Variants in CACNA2D3 observed in about 807,000 individuals in gnomAD.
The protein encoded by CACNA2D3 is calcium voltage-gated channel auxiliary subunit alpha2delta 3.
CACNA2D3 carries 60 observed loss-of-function variants against 160.6 expected under a neutral mutation model. That is an observed-to-expected ratio of 0.37 (90% CI 0.30 to 0.46). The LOEUF (loss-of-function observed/expected upper bound fraction) is 0.46, where lower values mean the gene tolerates loss of function less well. CACNA2D3 is among the 20% of genes least tolerant of loss of function. The probability of loss-of-function intolerance (pLI) is 1.00; values close to 1 mark genes in which losing one functional copy is unlikely to be tolerated. For missense variants in CACNA2D3, 1,205 were observed against 1,365.0 expected (o/e 0.88, Z 1.85); for synonymous variants, 558 against 492.9 (o/e 1.13, Z -1.75).
At chr3:54,503,102 T>A (rs1701318679) in intron 4 of CACNA2D3, among the ~76,000 whole-genome samples, 1 of 152,246 alleles carries the variant, frequency 6.6e-6, no homozygotes, top group African/African-American at 2.4e-5. Flanking sequence ...GCAAGCATGA[T>A]GATCTGACGT....
chr3:54,749,342 ATTT>A (rs1701815059), intron 11 of CACNA2D3, among the ~76,000 whole-genome samples: 1 of 152,226 alleles, frequency 6.6e-6, no homozygotes, highest in African/African-American at 2.4e-5. Context: ...AAGACTTAGA[ATTT>A]AACAGTTTTT....
At chr3:54,299,836 T>A (rs1307776237) in intron 2 of CACNA2D3, among the ~76,000 whole-genome samples, 1 of 152,218 alleles carries the variant, frequency 6.6e-6, no homozygotes, top group African/African-American at 2.4e-5. Flanking sequence ...AAGATTTATT[T>A]GGAAGATAAA....
chr3:54,124,692 G>C (rs1699552145), intron 2 of CACNA2D3, among the ~76,000 whole-genome samples: 1 of 152,134 alleles, frequency 6.6e-6, no homozygotes, highest in East Asian at 1.9e-4. Context: ...TCCAAATATC[G>C]TAATAAAGCG....
intron 9 of CACNA2D3, among the ~76,000 whole-genome samples, chr3:54,596,463 C>G (rs1214101787): frequency 6.6e-6 from 1 of 152,174 alleles, no homozygotes; most frequent in Non-Finnish European, 1.5e-5. Flanking sequence ...GGGGATACAT[C>G]CCTGTTTGCC....
intron 4 of CACNA2D3, among the ~76,000 whole-genome samples, chr3:54,391,025 CA>C (rs1699270739): frequency 6.6e-6 from 1 of 151,218 alleles, no homozygotes; most frequent in Non-Finnish European, 1.5e-5. Flanking sequence ...AGTGATTTTG[CA>C]AAATTTCCTA....
chr3:54,783,775 G>C (rs1702578317), intron 13 of CACNA2D3, among the ~76,000 whole-genome samples: 1 of 151,998 alleles, frequency 6.6e-6, no homozygotes, highest in Non-Finnish European at 1.5e-5. Context: ...TATATTAAAT[G>C]ACAGAAGGAA....
At chr3:54,771,720 T>C (rs1456778517) in intron 13 of CACNA2D3, among the ~76,000 whole-genome samples, 2 of 152,216 alleles carry the variant, frequency 1.3e-5, no homozygotes, top group African/African-American at 4.8e-5. Flanking sequence ...GATCATTTCT[T>C]TTTTAATTAA....
rs533569895 is a variant in CACNA2D3, at chr3:54,637,014, A to G, written c.1054-5114A>G. ...TAATGGGTAGTAGAGGGAGGTATTG[A>G]GGATAGGAGAGTATACGGGTTTGGC... is the stretch of plus-strand genomic sequence containing the variant. On this transcript the variant is annotated intron_variant, in intron 10 of 37. Coordinates refer to ENST00000474759, the MANE Select transcript of CACNA2D3 (RefSeq NM_018398.3). Among the ~76,000 whole-genome samples the G allele has an allele frequency of 6.6e-5, 10 of 152,046 alleles. No individual in the cohort carries two copies. The South Asian group carries it at 1.7e-3, about 25-fold the overall frequency.
chr3:54,735,160 G>A (rs767363894), intron 11 of CACNA2D3, among the ~76,000 whole-genome samples: 33 of 152,234 alleles, frequency 2.2e-4, no homozygotes, highest in Admixed American at 4.6e-4. Flanking sequence ...CTTCTTAATG[G>A]CAGAACTGCT....
chr3:54,866,312 A>T (rs1177769379), intron 17 of CACNA2D3, among the ~76,000 whole-genome samples: 1 of 152,214 alleles, frequency 6.6e-6, no homozygotes, highest in Non-Finnish European at 1.5e-5. Context: ...GCGTACCTAC[A>T]TCCCTTCTCC....
At chr3:54,490,590 TTGAC>T (rs1701093274) in intron 4 of CACNA2D3, among the ~76,000 whole-genome samples, 1 of 152,122 alleles carries the variant, frequency 6.6e-6, no homozygotes, top group African/African-American at 2.4e-5. Flanking sequence ...CTTCACACCT[TTGAC>T]TGAGGACCTC....
At chr3:54,614,162 G>A (rs1226088524) in intron 9 of CACNA2D3, among the ~76,000 whole-genome samples, 3 of 152,192 alleles carry the variant, frequency 2.0e-5, no homozygotes, top group Non-Finnish European at 2.9e-5. Context: ...CATGAGGAAA[G>A]GGAAGGAGAG....
At chr3:54,756,048 T>C (rs931816593) in intron 12 of CACNA2D3, among the ~76,000 whole-genome samples, 18 of 152,228 alleles carry the variant, frequency 1.2e-4, no homozygotes, top group Admixed American at 2.6e-4. Flanking sequence ...TTTAGTCAAC[T>C]CAGAGTATTT....
intron 4 of CACNA2D3, among the ~76,000 whole-genome samples, chr3:54,483,640 C>T (rs75595515): frequency 0.02 from 3,106 of 152,082 alleles, 86 homozygotes; most frequent in East Asian, 0.11. Flanking sequence ...AAACAACAAC[C>T]ACAAAAATAA....
chr3:54,968,782 A>G (rs1433997606), intron 28 of CACNA2D3, among the ~76,000 whole-genome samples: 1 of 152,146 alleles, frequency 6.6e-6, no homozygotes, highest in African/African-American at 2.4e-5. Flanking sequence ...TTTTCTTTTA[A>G]GTATTGGGGC....
intron 27 of CACNA2D3, among the ~76,000 whole-genome samples, chr3:54,908,315 A>G (rs1476911135): frequency 6.6e-6 from 1 of 152,076 alleles, no homozygotes; most frequent in Non-Finnish European, 1.5e-5. Flanking sequence ...CCATTTGTAT[A>G]TTTTCTTTAG....
At chr3:54,697,785 A>G (rs751773032) in intron 11 of CACNA2D3, among the ~76,000 whole-genome samples, 1 of 152,218 alleles carries the variant, frequency 6.6e-6, no homozygotes, top group African/African-American at 2.4e-5. Context: ...TGCTAAAGCT[A>G]CTGCTGGGAA....
intron 2 of CACNA2D3, among the ~76,000 whole-genome samples, chr3:54,237,514 A>G (rs151107413): frequency 3.0e-4 from 45 of 152,310 alleles, no homozygotes; most frequent in African/African-American, 9.4e-4. Context: ...ACAGGTCCAA[A>G]GCATTTTTAT....
chr3:54,999,823 C>G (rs1209177899), intron 31 of CACNA2D3, among the ~76,000 whole-genome samples: 2 of 152,172 alleles, frequency 1.3e-5, no homozygotes, highest in Admixed American at 1.3e-4. Flanking sequence ...AAAGAAAGAA[C>G]AGTATCAGCA....
Sources: gnomAD v4.1 joint callset for allele counts (sites outside exome capture counted in the v4.1 genomes callset) on GRCh38, gnomAD v4.1.1 for gene constraint, MANE v1.5 for transcripts, NCBI Gene and HGNC (gene_info 2026-07-23, HGNC 2026-07-21) for gene names.